CATSPERT: variants seen among roughly 807,000 people sequenced by gnomAD.
The protein encoded by CATSPERT is cation channel sperm-associated targeting subunit tau.
the CATSPERT span, chr2:201,492,825 C>T: frequency 6.5e-7 from 1 of 1,536,526 alleles, no homozygotes; most frequent in Non-Finnish European, 8.7e-7. Context: ...GTAAGTCCTC[C>T]TTGGTGATAT....
chr2:201,616,538 C>T, the CATSPERT span, among the ~76,000 whole-genome samples: 19 of 151,836 alleles, frequency 1.3e-4, no homozygotes, highest in East Asian at 2.1e-3. Flanking sequence ...CAATAAACTA[C>T]GTATTGATGG....
At chr2:201,563,397 G>A in the CATSPERT span, among the ~76,000 whole-genome samples, 1 of 116,668 alleles carries the variant, frequency 8.6e-6, no homozygotes, top group African/African-American at 3.0e-5. Flanking sequence ...CCCGGACGGG[G>A]CGGCTGGCCG....
At chr2:201,492,345 T>A in the CATSPERT span, 1 of 1,535,682 alleles carries the variant, frequency 6.5e-7, no homozygotes. Context: ...ATTTTGAAAG[T>A]TTTTCTATAA....
the CATSPERT span, among the ~76,000 whole-genome samples, chr2:201,514,740 G>A: frequency 1.1e-3 from 161 of 152,270 alleles, 1 homozygote; most frequent in African/African-American, 3.8e-3. Flanking sequence ...GTGAAATAAT[G>A]AAATCAATTT....
the CATSPERT span, among the ~76,000 whole-genome samples, chr2:201,511,210 G>C: frequency 6.6e-6 from 1 of 152,116 alleles, no homozygotes; most frequent in Admixed American, 6.5e-5. Flanking sequence ...CTATTTTAAA[G>C]CATAATCTGG....
chr2:201,517,303 G>A, the CATSPERT span, among the ~76,000 whole-genome samples: 4 of 152,220 alleles, frequency 2.6e-5, no homozygotes, highest in South Asian at 2.1e-4. Flanking sequence ...GGGGAAGACC[G>A]TTATTAGCCA....
At chr2:201,582,141 G>C in the CATSPERT span, 2 of 1,609,294 alleles carry the variant, frequency 1.2e-6, no homozygotes, top group Middle Eastern at 3.3e-4. Context: ...TAACAAGAAA[G>C]CACGTTTTTC....
At chr2:201,494,678 C>G in the CATSPERT span, 1 of 1,534,912 alleles carries the variant, frequency 6.5e-7, no homozygotes, top group Non-Finnish European at 8.7e-7. Flanking sequence ...TTGTATATAT[C>G]TTGATCTTTT....
the CATSPERT span, among the ~76,000 whole-genome samples, chr2:201,516,027 C>T: frequency 6.6e-6 from 1 of 152,210 alleles, no homozygotes; most frequent in Non-Finnish European, 1.5e-5. Flanking sequence ...GTGTAAGCAT[C>T]ATAGTATGTA....
the CATSPERT span, among the ~76,000 whole-genome samples, chr2:201,521,447 G>GAGAGAA: frequency 7.8e-6 from 1 of 128,046 alleles, no homozygotes; most frequent in East Asian, 3.7e-4. Flanking sequence ...GAGAGAGAGA[G>GAGAGAA]AGAGAAAGAG....
the CATSPERT span, among the ~76,000 whole-genome samples, chr2:201,591,034 T>C: frequency 6.6e-6 from 1 of 152,210 alleles, no homozygotes; most frequent in African/African-American, 2.4e-5. Flanking sequence ...TTGCTTTTGG[T>C]GTTTTAGACA....
the CATSPERT span, among the ~76,000 whole-genome samples, chr2:201,583,586 T>G: frequency 2.0e-5 from 3 of 152,340 alleles, no homozygotes; most frequent in East Asian, 5.8e-4. Context: ...TTTTAAAATA[T>G]CTCAAGTGGA....
At chr2:201,525,036 C>T in the CATSPERT span, among the ~76,000 whole-genome samples, 1 of 152,172 alleles carries the variant, frequency 6.6e-6, no homozygotes, top group African/African-American at 2.4e-5. Flanking sequence ...TGACACCCCA[C>T]TGAGAGTATT....
chr2:201,590,199 T>C, the CATSPERT span, among the ~76,000 whole-genome samples: 1 of 149,950 alleles, frequency 6.7e-6, no homozygotes, highest in Non-Finnish European at 1.5e-5. Context: ...TGTGTTCTCA[T>C]TGTTCAATTC....
the CATSPERT span, among the ~76,000 whole-genome samples, chr2:201,545,016 A>ATAAAG: frequency 1.3e-5 from 2 of 151,778 alleles, no homozygotes; most frequent in Non-Finnish European, 2.9e-5. Context: ...TAATAATAAA[A>ATAAAG]TTTAAAAATA....
the CATSPERT span, among the ~76,000 whole-genome samples, chr2:201,552,514 C>T: frequency 6.6e-6 from 1 of 152,136 alleles, no homozygotes; most frequent in East Asian, 1.9e-4. Flanking sequence ...ATTCATGAAG[C>T]CATTGCTGAA....
At chr2:201,596,233 T>C in the CATSPERT span, among the ~76,000 whole-genome samples, 1 of 152,204 alleles carries the variant, frequency 6.6e-6, no homozygotes, top group African/African-American at 2.4e-5. Flanking sequence ...CACCATGGAA[T>C]ACTATGCAGC....
chr2:201,618,876 C>G, the CATSPERT span: 1 of 1,610,084 alleles, frequency 6.2e-7, no homozygotes. Context: ...CCTCCAGGTG[C>G]CGGCCAGGCC....
At chr2:201,592,592 C>T in the CATSPERT span, among the ~76,000 whole-genome samples, 27 of 151,160 alleles carry the variant, frequency 1.8e-4, no homozygotes, top group Non-Finnish European at 2.2e-4. Flanking sequence ...TAGAATTCGG[C>T]TGTGAATCCA....
Sources: gnomAD v4.1 joint callset for allele counts (sites outside exome capture counted in the v4.1 genomes callset) on GRCh38, gnomAD v4.1.1 for gene constraint, MANE v1.5 for transcripts, NCBI Gene and HGNC (gene_info 2026-07-23, HGNC 2026-07-21) for gene names.